The following SRPK2 variants were observed in gnomAD, a reference collection of about 807,000 sequenced individuals.
SRPK2 encodes the protein SFRS protein kinase 2.
Under a neutral mutation model 90.8 loss-of-function variants are expected in SRPK2, and 21 were observed. The ratio of observed to expected loss-of-function variants is 0.23; its 90% CI spans 0.16 to 0.33. The LOEUF (loss-of-function observed/expected upper bound fraction) is 0.33. Ranked by LOEUF, SRPK2 falls within the 10% of genes least tolerant of loss-of-function variation. The probability of loss-of-function intolerance (pLI) is 1.00; values close to 1 mark genes in which losing one functional copy is unlikely to be tolerated. For synonymous variants in SRPK2, 288 were observed against 311.1 expected (o/e 0.93, Z 0.78); for missense variants, 620 against 869.0 (o/e 0.71, Z 3.60).
chr7:105,159,242 T>C (rs964068447), intron 7 of SRPK2, among the ~76,000 whole-genome samples: 7 of 151,640 alleles, frequency 4.6e-5, no homozygotes, highest in Non-Finnish European at 7.4e-5. Flanking sequence ...TCCCAGCACT[T>C]TGGAAGGCAG....
chr7:105,336,051 T>A (rs919557138), intron 2 of SRPK2, among the ~76,000 whole-genome samples: 1 of 152,194 alleles, frequency 6.6e-6, no homozygotes, highest in African/African-American at 2.4e-5. Context: ...ACAAAATGTT[T>A]ATTTATGAAA....
At chr7:105,365,512 A>T (rs1022639818) in intron 2 of SRPK2, among the ~76,000 whole-genome samples, 27 of 134,396 alleles carry the variant, frequency 2.0e-4, no homozygotes, top group African/African-American at 7.0e-4. Flanking sequence ...AAAAAAAATT[A>T]TATATATATA....
chr7:105,269,495 T>TC (rs1213928475), intron 2 of SRPK2, among the ~76,000 whole-genome samples: 2 of 152,156 alleles, frequency 1.3e-5, no homozygotes, highest in African/African-American at 4.8e-5. Flanking sequence ...ACCTTAATTT[T>TC]CCCCTCCTCC....
chr7:105,289,792 G>C (rs1455491196), intron 2 of SRPK2, among the ~76,000 whole-genome samples: 1 of 151,970 alleles, frequency 6.6e-6, no homozygotes, highest in Non-Finnish European at 1.5e-5. Flanking sequence ...AAGAGGTCTA[G>C]CTTTCCTCCT....
chr7:105,292,537 A>G (rs563428682), intron 2 of SRPK2, among the ~76,000 whole-genome samples: 1 of 149,972 alleles, frequency 6.7e-6, no homozygotes, highest in African/African-American at 2.4e-5. Context: ...CATAATATAA[A>G]GTTTCTTGGC....
intron 2 of SRPK2, among the ~76,000 whole-genome samples, chr7:105,346,181 G>A (rs1816431802): frequency 6.6e-6 from 1 of 152,092 alleles, no homozygotes. Context: ...CCTTTACCAA[G>A]GTTTTAAAGT....
chr7:105,245,066 CACACACA>C (rs1801444899), intron 2 of SRPK2: 2 of 649,756 alleles, frequency 3.1e-6, no homozygotes, highest in Non-Finnish European at 5.5e-6. Flanking sequence ...CACACACACA[CACACACA>C]CCTCTTTTTC....
intron 6 of SRPK2, among the ~76,000 whole-genome samples, chr7:105,166,155 G>A: frequency 6.6e-6 from 1 of 152,178 alleles, no homozygotes; most frequent in Admixed American, 6.5e-5. Context: ...ACTAACTTCT[G>A]TCAGGATAAT....
rs1794665616 is a variant in SRPK2 at position 105,194,393 on chromosome 7, T to G, written c.229+9235A>C. 2.0e-5 allele frequency among the ~76,000 whole-genome samples: 3 copies of G among 152,132 alleles called. No individual in the cohort carries two copies. In the South Asian group the frequency reaches 6.2e-4, roughly 31 times the overall value. On this transcript the variant is annotated intron_variant, in intron 3 of 15. Coordinates refer to ENST00000393651, the MANE Select transcript of SRPK2 (RefSeq NM_182692.3). The stretch of plus-strand genomic sequence containing the variant: ...AAGAATAATAATTTATAAAGAATCA[T>G]AAGGAAGAAGAAAAACCTCCATTTG...
intron 2 of SRPK2, among the ~76,000 whole-genome samples, chr7:105,276,855 C>T (rs1349244946): frequency 6.6e-6 from 1 of 152,194 alleles, no homozygotes; most frequent in Non-Finnish European, 1.5e-5. Flanking sequence ...CACGCTTCTT[C>T]AGAAGTCAGA....
At chr7:105,273,332 C>T (rs925198005) in intron 2 of SRPK2, among the ~76,000 whole-genome samples, 15 of 152,090 alleles carry the variant, frequency 9.9e-5, no homozygotes, top group Admixed American at 6.5e-5. Flanking sequence ...TGCTTTTTCA[C>T]GCCACTAAAT....
chr7:105,244,953 G>A, intron 2 of SRPK2: 3 of 1,459,132 alleles, frequency 2.1e-6, no homozygotes, highest in African/African-American at 1.4e-5. Flanking sequence ...GAGGAAAGCC[G>A]CTGCCAAGAA....
intron 2 of SRPK2, among the ~76,000 whole-genome samples, chr7:105,345,685 C>T (rs1475774836): frequency 6.6e-6 from 1 of 152,170 alleles, no homozygotes; most frequent in African/African-American, 2.4e-5. Flanking sequence ...ATGAACATGT[C>T]AATGTGTTTG....
chr7:105,351,325 ATTCCTT>A (rs1172602915), intron 2 of SRPK2, among the ~76,000 whole-genome samples: 1 of 151,858 alleles, frequency 6.6e-6, no homozygotes, highest in Non-Finnish European at 1.5e-5. Flanking sequence ...AAAGAAATAA[ATTCCTT>A]TTCTTTATAA....
At chr7:105,280,455 T>C (rs1807118361) in intron 2 of SRPK2, among the ~76,000 whole-genome samples, 1 of 151,742 alleles carries the variant, frequency 6.6e-6, no homozygotes, top group Non-Finnish European at 1.5e-5. Context: ...TAAGATGTTA[T>C]TATTTATTTT....
chr7:105,221,530 A>C (rs967887907), intron 2 of SRPK2, among the ~76,000 whole-genome samples: 3 of 152,196 alleles, frequency 2.0e-5, no homozygotes, highest in Admixed American at 1.3e-4. Context: ...CACCAACGCC[A>C]AATGCTACTT....
At chr7:105,120,500 G>C (rs1046394359) in intron 15 of SRPK2, among the ~76,000 whole-genome samples, 1 of 152,072 alleles carries the variant, frequency 6.6e-6, no homozygotes, top group Non-Finnish European at 1.5e-5. Context: ...AAAAATATTC[G>C]CAAGGAGCAG....
At chr7:105,277,286 C>T (rs1011519594) in intron 2 of SRPK2, among the ~76,000 whole-genome samples, 3 of 152,126 alleles carry the variant, frequency 2.0e-5, no homozygotes, top group Non-Finnish European at 4.4e-5. Context: ...CTGTGTTAGC[C>T]GGGATGGTCT....
chr7:105,167,890 C>T (rs915182157), intron 5 of SRPK2, 118 bp downstream of exon 5: 2 of 802,794 alleles, frequency 2.5e-6, no homozygotes, highest in Non-Finnish European at 3.9e-6. Context: ...AGATTATAGG[C>T]ATGAGCCACC....
Sources: gnomAD v4.1 joint callset for allele counts (sites outside exome capture counted in the v4.1 genomes callset) on GRCh38, gnomAD v4.1.1 for gene constraint, MANE v1.5 for transcripts, NCBI Gene and HGNC (gene_info 2026-07-23, HGNC 2026-07-21) for gene names.